Variants in FRAS1 observed in about 807,000 individuals in gnomAD.
The protein encoded by FRAS1 is extracellular matrix organizing protein FRAS1.
Under a neutral mutation model 435.2 loss-of-function variants are expected in FRAS1, and 290 were observed. The observed-to-expected ratio is 0.67, with a 90% CI of 0.61 to 0.73. The LOEUF (loss-of-function observed/expected upper bound fraction) is 0.73. Among genes scored for constraint, FRAS1 ranks in the 30% least tolerant of loss-of-function variants. The pLI is 0.00. For missense variants in FRAS1, 4,860 were observed against 5,001.5 expected (o/e 0.97, Z 0.85); for synonymous variants, 1,800 against 1,851.0 (o/e 0.97, Z 0.71).
intron 29 of FRAS1, among the ~76,000 whole-genome samples, chr4:78,390,973 G>T (rs989961590): frequency 6.6e-6 from 1 of 152,202 alleles, no homozygotes; most frequent in African/African-American, 2.4e-5. Context: ...GTGTGAACAG[G>T]GACTATTCCA....
chr4:78,188,731 T>G (rs971664731), intron 2 of FRAS1, among the ~76,000 whole-genome samples: 1 of 152,226 alleles, frequency 6.6e-6, no homozygotes, highest in African/African-American at 2.4e-5. Flanking sequence ...TTTTGCACAT[T>G]GAGCTCCAGA....
At chr4:78,517,871 G>A (rs1366408270) in intron 66 of FRAS1, among the ~76,000 whole-genome samples, 1 of 152,156 alleles carries the variant, frequency 6.6e-6, no homozygotes, top group East Asian at 1.9e-4. Flanking sequence ...TAGTGTGATT[G>A]GAGCAGGTGT....
At chr4:78,236,308 A>ATTT (rs146438795) in intron 2 of FRAS1, among the ~76,000 whole-genome samples, 5 of 151,024 alleles carry the variant, frequency 3.3e-5, no homozygotes, top group South Asian at 2.1e-4. Flanking sequence ...TTATTTATTT[A>ATTT]TTTTTTGGCT....
intron 13 of FRAS1, 172 bp from the exon 14 acceptor site, chr4:78,286,233 G>T: frequency 1.3e-6 from 1 of 752,254 alleles, no homozygotes; most frequent in South Asian, 1.4e-5. Context: ...TCAAACAGTG[G>T]CTGACATGAA....
chr4:78,155,692 A>C (rs922747981), intron 2 of FRAS1, among the ~76,000 whole-genome samples: 2 of 152,236 alleles, frequency 1.3e-5, no homozygotes, highest in Non-Finnish European at 2.9e-5. Flanking sequence ...TCGTGTGGTC[A>C]GATGAAATGT....
At chr4:78,112,984 C>A (rs1742844880) in intron 2 of FRAS1, among the ~76,000 whole-genome samples, 1 of 152,084 alleles carries the variant, frequency 6.6e-6, no homozygotes, top group Non-Finnish European at 1.5e-5. Context: ...CCGCTCCCTC[C>A]ACCCCACAAC....
intron 2 of FRAS1, among the ~76,000 whole-genome samples, chr4:78,086,391 C>T (rs867124884): frequency 6.6e-6 from 1 of 152,238 alleles, no homozygotes; most frequent in African/African-American, 2.4e-5. Flanking sequence ...CAAACACATT[C>T]AAAAGCTAGC....
intron 3 of FRAS1, among the ~76,000 whole-genome samples, chr4:78,244,937 G>A (rs1400906878): frequency 2.0e-5 from 3 of 152,090 alleles, no homozygotes; most frequent in African/African-American, 7.2e-5. Context: ...TGCTTATCTT[G>A]TGTAAATCTC....
chr4:78,325,237 G>A (rs1285536401), intron 18 of FRAS1, among the ~76,000 whole-genome samples: 2 of 152,150 alleles, frequency 1.3e-5, no homozygotes, highest in Non-Finnish European at 2.9e-5. Context: ...GCACAAAATT[G>A]CTACAGGTTT....
At chr4:78,406,545 A>C (rs60794969) in intron 30 of FRAS1, among the ~76,000 whole-genome samples, 8,308 of 152,196 alleles carry the variant, frequency 0.055, 770 homozygotes, top group African/African-American at 0.19. Context: ...GGAGAATAGC[A>C]TGGGAAAGAC....
chr4:78,449,905 G>A (rs950406355), intron 44 of FRAS1, among the ~76,000 whole-genome samples: 16 of 152,148 alleles, frequency 1.1e-4, no homozygotes, highest in Non-Finnish European at 1.6e-4. Flanking sequence ...AGGAGAGAAT[G>A]AAAATGGATC....
At chr4:78,527,989 A>G (rs1003641799) in intron 70 of FRAS1, among the ~76,000 whole-genome samples, 4 of 152,144 alleles carry the variant, frequency 2.6e-5, no homozygotes, top group Non-Finnish European at 4.4e-5. Context: ...GAGTTCATCC[A>G]CTGAAGAGGC....
At chr4:78,362,162 CT>C (rs897372161) in intron 20 of FRAS1, among the ~76,000 whole-genome samples, 3 of 152,178 alleles carry the variant, frequency 2.0e-5, no homozygotes, top group Non-Finnish European at 2.9e-5. Context: ...ATAAAAATGA[CT>C]TTTCAACTCA....
intron 1 of FRAS1, among the ~76,000 whole-genome samples, chr4:78,065,055 AGT>A (rs1459300763): frequency 1.1e-5 from 1 of 94,300 alleles, no homozygotes; most frequent in East Asian, 2.8e-4. Flanking sequence ...TCAGTTTTAT[AGT>A]GTATATATAT....
In FRAS1 at chr4:78,421,960, A is replaced by G; in HGVS notation, c.4638A>G (p.Ala1546=). Residue 1546 remains alanine, a synonymous_variant, in exon 34 of 74, where the codon GCA becomes GCG. Coordinates refer to ENST00000512123, the MANE Select transcript of FRAS1 (RefSeq NM_025074.7). The stretch of plus-strand genomic sequence containing the variant: ...AAGTCATGTACCGCCCTCCCCCGGC[A>G]GCACCCCACCTCCAGGAGCTCATGG... ...QGKVMYRPPP[A]APHLQELMAF... 2 of 1,613,506 alleles carry G rather than the reference A, an allele frequency of 1.2e-6. No homozygotes were observed. The highest frequency in any genetic ancestry group is 1.7e-6 in the Non-Finnish European group (2 of 1,179,672).
At chr4:78,377,420 G>A (rs552888654) in intron 26 of FRAS1, among the ~76,000 whole-genome samples, 1 of 152,234 alleles carries the variant, frequency 6.6e-6, no homozygotes, top group South Asian at 2.1e-4. Context: ...TCTTACAGTC[G>A]AAGTAGTCCC....
At chr4:78,233,350 C>T (rs143156969) in intron 2 of FRAS1, among the ~76,000 whole-genome samples, 27 of 152,316 alleles carry the variant, frequency 1.8e-4, no homozygotes, top group Non-Finnish European at 2.6e-4. Flanking sequence ...GAAAACTCAA[C>T]CTATAGTTTC....
intron 43 of FRAS1, 121 bp from the exon 44 acceptor site, chr4:78,447,932 C>T: frequency 1.2e-6 from 1 of 848,576 alleles, no homozygotes; most frequent in Non-Finnish European, 1.8e-6. Context: ...GCACCAAGAG[C>T]CTCTGAGGCA....
intron 61 of FRAS1, among the ~76,000 whole-genome samples, chr4:78,506,596 G>A (rs1445554547): frequency 6.6e-6 from 1 of 152,238 alleles, no homozygotes; most frequent in African/African-American, 2.4e-5. Context: ...TGGTTGCTAA[G>A]ACTGTGGGAA....
Sources: allele counts gnomAD v4.1 joint callset (sites outside exome capture counted in the v4.1 genomes callset), GRCh38; gene constraint gnomAD v4.1.1; transcripts MANE v1.5; gene names NCBI Gene and HGNC (gene_info 2026-07-23, HGNC 2026-07-21).